The following ADGRB3 variants were observed in gnomAD, a reference collection of about 807,000 sequenced individuals.
The protein encoded by ADGRB3 is adhesion G protein-coupled receptor B3, also known as brain-specific angiogenesis inhibitor 3.
Under a neutral mutation model 193.4 loss-of-function variants are expected in ADGRB3, and 37 were observed. That is an observed-to-expected ratio of 0.19 (90% CI 0.15 to 0.25). The LOEUF is 0.25. Among genes scored for constraint, ADGRB3 ranks in the 10% least tolerant of loss-of-function variants. The pLI is 1.00. For synonymous variants in ADGRB3, 690 were observed against 644.2 expected (o/e 1.07, Z -1.08); for missense variants, 1,637 against 1,852.9 (o/e 0.88, Z 2.14).
intron 3 of ADGRB3, among the ~76,000 whole-genome samples, chr6:68,642,345 A>T (rs1768102420): frequency 6.6e-6 from 1 of 152,164 alleles, no homozygotes; most frequent in Non-Finnish European, 1.5e-5. Context: ...CACTGGTATT[A>T]TGACATAATA....
chr6:69,356,360 G>T (rs1030122432), intron 28 of ADGRB3, among the ~76,000 whole-genome samples: 1 of 151,998 alleles, frequency 6.6e-6, no homozygotes, highest in Non-Finnish European at 1.5e-5. Context: ...CATAGGACTG[G>T]GGTTATTGAG....
chr6:69,084,682 T>G (rs1258096530), intron 17 of ADGRB3, among the ~76,000 whole-genome samples: 1 of 152,184 alleles, frequency 6.6e-6, no homozygotes, highest in African/African-American at 2.4e-5. Flanking sequence ...AATTGAAAAT[T>G]TGCATCAAAT....
chr6:68,936,909 C>G (rs563428163), intron 5 of ADGRB3, among the ~76,000 whole-genome samples: 1 of 152,262 alleles, frequency 6.6e-6, no homozygotes, highest in South Asian at 2.1e-4. Context: ...ATATCAGTTT[C>G]TAATCTGTGT....
intron 17 of ADGRB3, among the ~76,000 whole-genome samples, chr6:69,157,106 A>G (rs1455996052): frequency 1.3e-5 from 2 of 152,204 alleles, no homozygotes; most frequent in African/African-American, 4.8e-5. Context: ...AACTGTGTGC[A>G]GATTACTTAA....
At chr6:68,834,596 G>C (rs934873443) in intron 3 of ADGRB3, among the ~76,000 whole-genome samples, 2 of 152,112 alleles carry the variant, frequency 1.3e-5, no homozygotes, top group Non-Finnish European at 2.9e-5. Flanking sequence ...CAGAAATCTA[G>C]AAGATTGCAG....
intron 25 of ADGRB3, 54 bp downstream of exon 25, chr6:69,339,068 A>G (rs943718056): frequency 3.2e-5 from 51 of 1,571,520 alleles, no homozygotes; most frequent in Non-Finnish European, 4.4e-5. Context: ...AGTGCATGTG[A>G]GAAAATGCTA....
chr6:68,805,186 C>T (rs1202937499), intron 3 of ADGRB3, among the ~76,000 whole-genome samples: 1 of 152,174 alleles, frequency 6.6e-6, no homozygotes, highest in Admixed American at 6.5e-5. Flanking sequence ...ATCCGACTGT[C>T]TGCTTTGGCC....
At chr6:68,712,323 G>C (rs948957452) in intron 3 of ADGRB3, among the ~76,000 whole-genome samples, 1 of 151,892 alleles carries the variant, frequency 6.6e-6, no homozygotes, top group Non-Finnish European at 1.5e-5. Flanking sequence ...GGTCTTGATC[G>C]ACACCACAGG....
At chr6:68,901,798 T>A (rs2150233427) in intron 3 of ADGRB3, among the ~76,000 whole-genome samples, 1 of 152,182 alleles carries the variant, frequency 6.6e-6, no homozygotes, top group East Asian at 1.9e-4. Flanking sequence ...AATACAGACA[T>A]AACAATGAAT....
intron 16 of ADGRB3, among the ~76,000 whole-genome samples, chr6:69,069,592 G>A (rs1311147001): frequency 9.7e-6 from 1 of 103,570 alleles, no homozygotes; most frequent in African/African-American, 3.2e-5. Flanking sequence ...TTATCCGGAC[G>A]CAGTGGCAGA....
intron 16 of ADGRB3, among the ~76,000 whole-genome samples, chr6:69,069,354 G>A (rs1772003831): frequency 6.6e-6 from 1 of 151,648 alleles, no homozygotes; most frequent in Admixed American, 6.6e-5. Flanking sequence ...TCAACTATTA[G>A]CGGACTGTGA....
chr6:69,364,009 G>T (rs1380802103), intron 29 of ADGRB3, among the ~76,000 whole-genome samples: 1 of 151,946 alleles, frequency 6.6e-6, no homozygotes, highest in Admixed American at 6.6e-5. Flanking sequence ...AAATAATGTG[G>T]ATCACATGAG....
intron 3 of ADGRB3, among the ~76,000 whole-genome samples, chr6:68,694,888 TTTTATGTCTCTATGGG>T (rs1414112203): frequency 4.6e-5 from 7 of 152,036 alleles, no homozygotes; most frequent in Admixed American, 3.3e-4. Flanking sequence ...TTGGACTTCT[TTTTATGTCTCTATGGG>T]TTTAGGGTTT....
chr6:69,212,082 C>G (rs1451007852), intron 17 of ADGRB3, among the ~76,000 whole-genome samples: 2 of 152,072 alleles, frequency 1.3e-5, no homozygotes, highest in Non-Finnish European at 2.9e-5. Context: ...GATGCAAGAA[C>G]ATAATTAATT....
At position 69,327,906 on chromosome 6, in the gene ADGRB3, A is replaced by G; in HGVS notation, c.3035+17A>G. On this transcript the variant is annotated intron_variant, in intron 22 of 31. Transcript: ENST00000370598. ...TGATCACTAGTAAGTCCATCCACAG[A>G]GATAAATCATGTTTATAATTTAACA... 1 of 1,582,714 alleles carries G rather than the reference A, an allele frequency of 6.3e-7. No homozygotes were observed. Among genetic ancestry groups the G allele is most frequent in the Non-Finnish European group, 8.6e-7 (1 of 1,157,040 alleles).
intron 8 of ADGRB3, among the ~76,000 whole-genome samples, chr6:68,959,249 A>C (rs1582349680): frequency 6.6e-6 from 1 of 152,144 alleles, no homozygotes; most frequent in Non-Finnish European, 1.5e-5. Flanking sequence ...TCCTAATTTC[A>C]GCCATTATAT....
chr6:68,658,448 G>T (rs1561985337), intron 3 of ADGRB3, among the ~76,000 whole-genome samples: 1 of 151,134 alleles, frequency 6.6e-6, no homozygotes, highest in Non-Finnish European at 1.5e-5. Context: ...CTTCCACCTA[G>T]TGTTTTCCAA....
chr6:69,373,337 T>C (rs1302754294), intron 30 of ADGRB3, among the ~76,000 whole-genome samples: 1 of 152,050 alleles, frequency 6.6e-6, no homozygotes, highest in Non-Finnish European at 1.5e-5. Context: ...TGTAGATCAA[T>C]GTTCTAGCTC....
chr6:69,049,793 A>C (rs1431933753), intron 15 of ADGRB3, among the ~76,000 whole-genome samples: 1 of 152,184 alleles, frequency 6.6e-6, no homozygotes, highest in Non-Finnish European at 1.5e-5. Context: ...TTGCTTTGAA[A>C]TAAATTTTCA....
Sources: gnomAD v4.1 joint callset for allele counts (sites outside exome capture counted in the v4.1 genomes callset) on GRCh38, gnomAD v4.1.1 for gene constraint, MANE v1.5 for transcripts, NCBI Gene and HGNC (gene_info 2026-07-23, HGNC 2026-07-21) for gene names.